The following TGFBRAP1 variants were observed in gnomAD, a reference collection of about 807,000 sequenced individuals.
TGFBRAP1 encodes transforming growth factor-beta receptor-associated protein 1.
A neutral mutation model predicts 83.2 loss-of-function variants in TGFBRAP1; 20 were observed. The ratio of observed to expected loss-of-function variants is 0.24; its 90% CI spans 0.17 to 0.35. The LOEUF (loss-of-function observed/expected upper bound fraction) is 0.35. Among genes scored for constraint, TGFBRAP1 ranks in the 10% least tolerant of loss-of-function variants. The pLI, the probability that TGFBRAP1 is intolerant of heterozygous loss-of-function variation, is 1.00. For synonymous variants in TGFBRAP1, 415 were observed against 459.8 expected, an observed-to-expected ratio of 0.90 and a Z score of 1.25; for missense variants, 950 against 1,099.4, an observed-to-expected ratio of 0.86 and a Z score of 1.92.
chr2:105,259,486 T>C (rs1241407010), downstream of TGFBRAP1, among the ~76,000 whole-genome samples: 1 of 152,078 alleles, frequency 6.6e-6, no homozygotes, highest in African/African-American at 2.4e-5. Context: ...AAAACAGGAA[T>C]TGGAACCCTA....
Position 105,307,691 on chromosome 2 carries a change from T to C in TGFBRAP1, c.611A>G (p.Tyr204Cys). 1 of 1,613,924 alleles carries C rather than the reference T, an allele frequency of 6.2e-7. No individual in the cohort carries two copies. Among genetic ancestry groups the C allele is most frequent in the South Asian group, 1.1e-5 (1 of 91,062 alleles). The change falls in exon 2 of 12, where the codon TAC becomes TGC. Residue 204 changes from tyrosine to cysteine, a missense_variant. Transcript: ENST00000393359. ...GATCGGCGGCCTCTCCTCACTGCAG[T>C]AGGGAAACAGGTCCTGGGAGACGCC... ...STGVSQDLFP[Y>C]CSEERPPIVK...
intron 2 of TGFBRAP1, among the ~76,000 whole-genome samples, chr2:105,303,858 A>G (rs919398271): frequency 2.0e-5 from 3 of 152,234 alleles, no homozygotes; most frequent in Admixed American, 6.5e-5. Context: ...GAATGAAATC[A>G]TTAAAATCCA....
chr2:105,289,145 G>A (rs986673117), intron 4 of TGFBRAP1, among the ~76,000 whole-genome samples: 8 of 152,052 alleles, frequency 5.3e-5, no homozygotes, highest in African/African-American at 1.7e-4. Context: ...GGGAAGGGAC[G>A]CAGCGAGGTG....
chr2:105,281,904 T>C (rs1253465372), intron 5 of TGFBRAP1, among the ~76,000 whole-genome samples: 2 of 151,874 alleles, frequency 1.3e-5, no homozygotes, highest in Non-Finnish European at 2.9e-5. Flanking sequence ...ATCTAGTAGG[T>C]AGAGGCCAGG....
At chr2:105,262,865 G>C (rs1026471300), downstream of TGFBRAP1, among the ~76,000 whole-genome samples, 3 of 152,212 alleles carry the variant, frequency 2.0e-5, no homozygotes, top group African/African-American at 7.2e-5. Context: ...CAACTGCTAA[G>C]CCTTGGACGG....
intron 3 of TGFBRAP1, among the ~76,000 whole-genome samples, chr2:105,297,060 C>T (rs535466245): frequency 6.6e-6 from 1 of 152,028 alleles, no homozygotes; most frequent in East Asian, 1.9e-4. Context: ...TTAACCTGGC[C>T]CATGGTCAAC....
At chr2:105,280,849 G>T in intron 5 of TGFBRAP1, 126 bp from the exon 6 acceptor site, 1 of 1,052,442 alleles carries the variant, frequency 9.5e-7, no homozygotes, top group Non-Finnish European at 1.4e-6. Flanking sequence ...CTGGGGACAG[G>T]GTAATCATGT....
rs1412199161 is a variant in TGFBRAP1, at chr2:105,266,202, A to G, written c.*1181T>C. ...GTTCAGGACACCTCAGAGCAGGCAC[A>G]TAAAGTGCTGGAGGGTGACACAGCC... On this transcript the variant is annotated 3_prime_UTR_variant, in exon 12 of 12. Transcript: ENST00000393359. The G allele has an allele frequency of 6.6e-6, 1 of 152,248 alleles. No individual in the cohort carries two copies. Among genetic ancestry groups the G allele is most frequent in the Non-Finnish European group, 1.5e-5 (1 of 68,050 alleles). 9.4% of individuals were successfully genotyped at this position (152,248 alleles called of 1,614,324 possible).
chr2:105,322,469 A>G (rs1431956322), intron 1 of TGFBRAP1, among the ~76,000 whole-genome samples: 1 of 152,168 alleles, frequency 6.6e-6, no homozygotes, highest in Admixed American at 6.5e-5. Context: ...ACCCAGAGAA[A>G]CTTCCAGTCC....
intron 7 of TGFBRAP1, 48 bp from the exon 8 acceptor site, chr2:105,275,751 T>C: frequency 6.4e-7 from 1 of 1,565,660 alleles, no homozygotes; most frequent in Non-Finnish European, 8.6e-7. Flanking sequence ...GAAAAAACAA[T>C]CATAAAGGCA....
At chr2:105,316,532 A>G (rs1678884492) in intron 1 of TGFBRAP1, among the ~76,000 whole-genome samples, 1 of 150,734 alleles carries the variant, frequency 6.6e-6, no homozygotes, top group African/African-American at 2.4e-5. Context: ...GCAGACTGGG[A>G]GCAGTGGCTC....
At chr2:105,306,654 C>T (rs1376997279) in intron 2 of TGFBRAP1, among the ~76,000 whole-genome samples, 7 of 151,946 alleles carry the variant, frequency 4.6e-5, no homozygotes, top group Admixed American at 4.6e-4. Context: ...AAAAATTAGC[C>T]AGGCATGGTG....
intron 2 of TGFBRAP1, among the ~76,000 whole-genome samples, chr2:105,305,392 A>T (rs1376365022): frequency 6.6e-6 from 1 of 152,204 alleles, no homozygotes; most frequent in Non-Finnish European, 1.5e-5. Flanking sequence ...CCATAAACAC[A>T]TACACTAACT....
intron 1 of TGFBRAP1, among the ~76,000 whole-genome samples, chr2:105,326,075 C>G (rs1679218267): frequency 6.6e-6 from 1 of 151,992 alleles, no homozygotes; most frequent in Non-Finnish European, 1.5e-5. Flanking sequence ...AACTTGTCAT[C>G]TTAATATTAT....
Position 105,296,403 on chromosome 2 carries a change from C to G in TGFBRAP1, c.991G>C (p.Val331Leu). The change falls in exon 4 of 12, where the codon GTT becomes CTT. Residue 331 changes from valine to leucine, a missense_variant. Val to Leu is a conservative substitution (Grantham distance 32). Coordinates refer to ENST00000393359, the MANE Select transcript of TGFBRAP1 (RefSeq NM_004257.6). ...LASRRVEEALVLAKGARRNIP... is the reference protein window; with the variant it reads ...LASRRVEEALLLAKGARRNIP... Reference sequence around the variant, plus strand: ...TTCCTCCGGGCTCCTTTTGCTAAAACCAAAGCCTCTTCTACTCTGCGGCTT... The same window carrying G: ...TTCCTCCGGGCTCCTTTTGCTAAAAGCAAAGCCTCTTCTACTCTGCGGCTT... 1 of 1,614,032 alleles carries G rather than the reference C, an allele frequency of 6.2e-7. No homozygotes were observed. Among genetic ancestry groups the G allele is most frequent in the Non-Finnish European group, 8.5e-7 (1 of 1,179,988 alleles).
the TGFBRAP1 span, among the ~76,000 whole-genome samples, chr2:105,258,730 T>TAC: frequency 0.054 from 7,597 of 140,440 alleles, 219 homozygotes; most frequent in Middle Eastern, 0.074. Context: ...TCCCCACCCC[T>TAC]ACACACACAC....
At chr2:105,253,737 C>G in the TGFBRAP1 span, among the ~76,000 whole-genome samples, 1 of 152,116 alleles carries the variant, frequency 6.6e-6, no homozygotes, top group Non-Finnish European at 1.5e-5. Flanking sequence ...ACCTGGCCTC[C>G]TAGTTTAAAA....
At chr2:105,315,583 A>G (rs1289197459) in intron 1 of TGFBRAP1, among the ~76,000 whole-genome samples, 1 of 152,254 alleles carries the variant, frequency 6.6e-6, no homozygotes, top group African/African-American at 2.4e-5. Flanking sequence ...AGGCATATGA[A>G]TGACCAATAA....
intron 4 of TGFBRAP1, among the ~76,000 whole-genome samples, chr2:105,287,701 A>G (rs986620255): frequency 3.3e-5 from 5 of 152,174 alleles, no homozygotes; most frequent in Non-Finnish European, 7.4e-5. Flanking sequence ...GCACACAATA[A>G]ATGTTGTCTG....
Sources: allele counts gnomAD v4.1 joint callset (sites outside exome capture counted in the v4.1 genomes callset), GRCh38; gene constraint gnomAD v4.1.1; transcripts MANE v1.5; gene names NCBI Gene and HGNC (gene_info 2026-07-23, HGNC 2026-07-21).